The following SMARCA1 variants were observed in gnomAD, a reference collection of about 807,000 sequenced individuals.
SMARCA1 encodes the protein SWI/SNF-related matrix-associated actin-dependent regulator of chromatin subfamily A member 1.
In SMARCA1, 17 loss-of-function variants were observed where a neutral mutation model predicts 93.6. The ratio of observed to expected loss-of-function variants is 0.18; its 90% CI spans 0.12 to 0.27. SMARCA1 has a LOEUF of 0.27. Ranked by LOEUF, SMARCA1 falls within the 10% of genes least tolerant of loss-of-function variation. The pLI is 1.00. For synonymous variants in SMARCA1, 271 were observed against 271.4 expected (o/e 1.00, Z 0.01); for missense variants, 630 against 819.0 (o/e 0.77, Z 2.82).
At chrX:129,475,024 C>A (rs1251759767) in intron 19 of SMARCA1, among the ~76,000 whole-genome samples, 5 of 110,559 alleles carry the variant, frequency 4.5e-5, no homozygotes, top group African/African-American at 6.6e-5. Context: ...AACTGTGAGT[C>A]AATTAAATCT....
chrX:129,509,433 A>C (rs1188998008), intron 6 of SMARCA1, among the ~76,000 whole-genome samples: 2 of 110,704 alleles, frequency 1.8e-5, no homozygotes, highest in Non-Finnish European at 3.8e-5. Flanking sequence ...ACATTTATAA[A>C]TTTAATTAAG....
chrX:129,514,691 A>G, intron 5 of SMARCA1, among the ~76,000 whole-genome samples: 1 of 112,085 alleles, frequency 8.9e-6, no homozygotes, highest in Middle Eastern at 4.6e-3. Context: ...CGACAAGGAA[A>G]GTAAGAAAGA....
chrX:129,489,934 A>G, intron 15 of SMARCA1, 126 bp downstream of exon 15: 1 of 452,417 alleles, frequency 2.2e-6, no homozygotes, highest in Non-Finnish European at 3.8e-6. Flanking sequence ...TGGGATACAC[A>G]GTGATGTTTC....
At chrX:129,472,740 G>A (rs919681009) in intron 19 of SMARCA1, among the ~76,000 whole-genome samples, 1 of 111,673 alleles carries the variant, frequency 9.0e-6, no homozygotes, top group Non-Finnish European at 1.9e-5. Flanking sequence ...GATTTTTGGG[G>A]GTTTTGGAAT....
intron 17 of SMARCA1, among the ~76,000 whole-genome samples, chrX:129,483,936 T>C (rs1384530371): frequency 8.9e-6 from 1 of 112,140 alleles, no homozygotes; most frequent in Non-Finnish European, 1.9e-5. Flanking sequence ...AATTTAAACC[T>C]ATTTTAAGAA....
chrX:129,464,281 C>T lies in SMARCA1; in HGVS notation c.3030+1239G>A, dbSNP rs183226322. On this transcript the variant is annotated intron_variant, in intron 23 of 24. Transcript: ENST00000371121. ...GCAAAATATTAAGCATTGTTTCACA[C>T]TCAGTCAACTTTTGGACAAAAAGAT... Among the ~76,000 whole-genome samples, 4 of 112,543 alleles carry T rather than the reference C, an allele frequency of 3.6e-5. No homozygotes were observed. In the Admixed American group the frequency reaches 3.8e-4, roughly 11 times the overall value.
rs1282515909 is a variant in SMARCA1 at position 129,514,151 on chromosome X, T to TA, written c.630+1535dup. On this transcript the variant is annotated intron_variant, in intron 5 of 24. Coordinates refer to ENST00000371121, the MANE Select transcript of SMARCA1 (RefSeq NM_001282874.2). Reference sequence around the variant, plus strand: ...GACCATCGTGAAACCCCGTCTCTACTAAAAAAATACAAAAAATTAGCTGGG... The same window carrying TA: ...GACCATCGTGAAACCCCGTCTCTACTAAAAAAAATACAAAAAATTAGCTGGG... Among the ~76,000 whole-genome samples, 14 of 111,889 alleles carry TA rather than the reference T, an allele frequency of 1.3e-4. No individual in the cohort carries two copies. The East Asian group carries it at 4.0e-3, about 32-fold the overall frequency.
At chrX:129,463,364 C>G (rs989241948) in intron 23 of SMARCA1, among the ~76,000 whole-genome samples, 6 of 111,321 alleles carry the variant, frequency 5.4e-5, no homozygotes, top group Non-Finnish European at 3.8e-5. Context: ...CCTTAAAAGG[C>G]CAAGTAACTT....
Position 129,465,757 on chromosome X carries a change from T to G in SMARCA1, c.2818-25A>C, listed in dbSNP as rs375599609. The G allele has an allele frequency of 3.7e-5, 41 of 1,097,109 alleles. No homozygotes were observed. The African/African-American group carries it at 7.0e-4, about 19-fold the overall frequency. The allele number at this position is 1,097,109 out of a possible 1,213,427, so 90.4% of individuals were successfully genotyped here. ...TCTGTGTATTTAAACAAAATAGTGC[T>G]TTTAATTGAATGTGCAGTAAGAAGT... On this transcript the variant is annotated intron_variant, in intron 22 of 24. Coordinates refer to ENST00000371121, the MANE Select transcript of SMARCA1 (RefSeq NM_001282874.2).
At chrX:129,515,655 T>C (rs771920379) in intron 5 of SMARCA1, 32 bp downstream of exon 5, 28 of 977,140 alleles carry the variant, frequency 2.9e-5, no homozygotes, top group Non-Finnish European at 3.6e-5. Context: ...CATTGATAAC[T>C]GAGAATGTGT....
intron 19 of SMARCA1, among the ~76,000 whole-genome samples, chrX:129,475,148 C>CTT (rs1422706412): frequency 1.5e-4 from 16 of 105,633 alleles, no homozygotes; most frequent in African/African-American, 5.1e-4. Context: ...ATAAGACATA[C>CTT]ATTTTTTTTT....
chrX:129,478,838 C>T (rs1003030879), intron 19 of SMARCA1, among the ~76,000 whole-genome samples: 2 of 111,855 alleles, frequency 1.8e-5, no homozygotes, highest in African/African-American at 3.3e-5. Context: ...CCATTGTAAA[C>T]ACAGTCCTTA....
chrX:129,514,693 TAAGA>T (rs777542461), intron 5 of SMARCA1, among the ~76,000 whole-genome samples: 2 of 111,033 alleles, frequency 1.8e-5, no homozygotes, highest in Non-Finnish European at 3.8e-5. Context: ...ACAAGGAAAG[TAAGA>T]AAGACAAGTA....
intron 23 of SMARCA1, among the ~76,000 whole-genome samples, chrX:129,458,499 G>A (rs961737308): frequency 5.3e-5 from 6 of 112,177 alleles, no homozygotes; most frequent in African/African-American, 9.7e-5. Context: ...ATGATGTAAT[G>A]TTTGCAGTGA....
At chrX:129,453,505 T>C (rs1031035270) in intron 23 of SMARCA1, among the ~76,000 whole-genome samples, 5 of 112,047 alleles carry the variant, frequency 4.5e-5, no homozygotes, top group Admixed American at 2.8e-4. Flanking sequence ...GGAAGTCAAA[T>C]TGTCTGTTTG....
At chrX:129,453,551 G>A (rs964266369) in intron 23 of SMARCA1, among the ~76,000 whole-genome samples, 4 of 112,087 alleles carry the variant, frequency 3.6e-5, no homozygotes, top group African/African-American at 6.5e-5. Context: ...AAACTCCATC[G>A]TCTCAGCCCA....
At chrX:129,509,555 G>A (rs1186111558) in intron 6 of SMARCA1, among the ~76,000 whole-genome samples, 2 of 111,874 alleles carry the variant, frequency 1.8e-5, no homozygotes, top group Non-Finnish European at 3.8e-5. Context: ...TCATGGTTTC[G>A]CCTACAAGTT....
intron 17 of SMARCA1, 54 bp downstream of exon 17, chrX:129,486,964 G>C (rs1403314326): frequency 1.8e-5 from 19 of 1,041,526 alleles, no homozygotes; most frequent in Admixed American, 2.7e-5. Context: ...TTTTATAATT[G>C]TTATGGGGAG....
At chrX:129,495,582 C>T (rs1481558364) in intron 12 of SMARCA1, among the ~76,000 whole-genome samples, 1 of 110,278 alleles carries the variant, frequency 9.1e-6, no homozygotes, top group African/African-American at 3.3e-5. Context: ...CTATGTTGCT[C>T]AGGCTAGTCT....
Sources: allele counts gnomAD v4.1 joint callset (sites outside exome capture counted in the v4.1 genomes callset), GRCh38; gene constraint gnomAD v4.1.1; transcripts MANE v1.5; gene names NCBI Gene and HGNC (gene_info 2026-07-23, HGNC 2026-07-21).